The following ZFHX2 variants were observed in gnomAD, a reference collection of about 807,000 sequenced individuals.
The protein encoded by ZFHX2 is zinc finger homeobox protein 2.
Under a neutral mutation model 164.8 loss-of-function variants are expected in ZFHX2, and 75 were observed. The observed-to-expected ratio is 0.46, with a 90% CI of 0.38 to 0.55. The LOEUF (loss-of-function observed/expected upper bound fraction) is 0.55. Among genes scored for constraint, ZFHX2 ranks in the 20% least tolerant of loss-of-function variants. ZFHX2 has a pLI of 0.00. For missense variants in ZFHX2, 2,933 were observed against 3,308.0 expected (o/e 0.89, Z 2.78); for synonymous variants, 1,217 against 1,351.4 (o/e 0.90, Z 2.18).
In ZFHX2 at chr14:23,532,710, A is replaced by G; in HGVS notation, c.2416T>C (p.Ser806Pro). ...CCATAAGGAGCCCCATCTCCCAGGG[A>G]TGCTGGGGAAGGGGTGCCCATGGCT... ...GGAMGTPSPA[S>P]LGDGAPYGSV... The change falls in exon 3 of 10, where the codon TCC (serine) becomes CCC (proline). Residue 806 changes from serine to proline, a missense_variant. Transcript: ENST00000419474. The G allele has an allele frequency of 6.5e-7, 1 of 1,534,224 alleles. No individual in the cohort carries two copies. Among genetic ancestry groups the G allele is most frequent in the African/African-American group, 1.4e-5 (1 of 73,152 alleles).
chr14:23,544,690 C>T (rs1353112034), intron 1 of ZFHX2, among the ~76,000 whole-genome samples: 1 of 152,198 alleles, frequency 6.6e-6, no homozygotes, highest in Non-Finnish European at 1.5e-5. Flanking sequence ...TGGCCCAGCC[C>T]TAATGAGTGT....
intron 1 of ZFHX2, among the ~76,000 whole-genome samples, chr14:23,541,853 A>G (rs1320397410): frequency 6.6e-6 from 1 of 152,244 alleles, no homozygotes; most frequent in African/African-American, 2.4e-5. Context: ...TTCTATATTT[A>G]AAAAGAAAAC....
chr14:23,554,588 A>G (rs1455084776), upstream of ZFHX2, among the ~76,000 whole-genome samples: 1 of 143,130 alleles, frequency 7.0e-6, no homozygotes, highest in Non-Finnish European at 1.5e-5. Flanking sequence ...GGGTCTTCCT[A>G]TGTTGCCCAG....
At position 23,524,437 on chromosome 14, in the gene ZFHX2, C is replaced by G. The variant is rs1380292672; in HGVS notation, c.5505G>C (p.Glu1835Asp). The change falls in exon 9 of 10, where the codon GAG becomes GAC. Residue 1835 changes from glutamate to aspartate, a missense_variant. Transcript: ENST00000419474. This position sits in a 1 kb window ranked among gnomAD's most constrained non-coding sequence, Gnocchi z 5.6. Reference sequence around the variant, plus strand: ...TGCCTGTGGGAGACAAGCTGCCGTCCTCATGCTTCCGTTTGAGAGGTGGAC... The same window carrying G: ...TGCCTGTGGGAGACAAGCTGCCGTCGTCATGCTTCCGTTTGAGAGGTGGAC... ...MPGPPLKRKHEDGSLSPTGSE... is the reference protein window; with the variant it reads ...MPGPPLKRKHDDGSLSPTGSE... 2.0e-6 allele frequency: 3 copies of G among 1,535,946 alleles called. No individual in the cohort carries two copies. The East Asian group carries it at 7.3e-5, about 38-fold the overall frequency.
chr14:23,525,688 C>T lies in ZFHX2; in HGVS notation c.4254G>A (p.Glu1418=). 6.5e-7 allele frequency: 1 copy of T among 1,530,146 alleles called. No homozygotes were observed. The highest frequency in any genetic ancestry group is 8.7e-7 in the Non-Finnish European group (1 of 1,143,222). 94.8% of individuals were successfully genotyped at this position (1,530,146 alleles called of 1,614,324 possible). ...REWERPPMAK[E]GNEAGPSSPP... ...GTGAGGAAGGCCCTGCCTCATTACC[C>T]TCTTTGGCCATGGGGGGCCGCTCCC... Residue 1418 remains glutamate (E), a synonymous_variant, in exon 9 of 10, where the codon GAG becomes GAA. Coordinates refer to ENST00000419474, the MANE Select transcript of ZFHX2 (RefSeq NM_033400.3). The surrounding 1 kb of genome is among the most constrained non-coding windows in gnomAD (Gnocchi z 5.9).
intron 6 of ZFHX2, 145 bp downstream of exon 6, chr14:23,529,565 T>G (rs1879259860): frequency 2.4e-6 from 2 of 830,948 alleles, no homozygotes; most frequent in Non-Finnish European, 3.8e-6. Context: ...CATGTGGAAC[T>G]GGATCTGGGT....
Position 23,546,578 on chromosome 14 carries a change from G to A in ZFHX2, c.-50+4765C>T, listed in dbSNP as rs1271536002. On this transcript the variant is annotated intron_variant, in intron 1 of 9. Coordinates refer to ENST00000419474, the MANE Select transcript of ZFHX2 (RefSeq NM_033400.3). This position sits in a 1 kb window ranked among gnomAD's most constrained non-coding sequence, Gnocchi z 4.7. Reference sequence around the variant, plus strand: ...ATGGGATTACCCTACGGGGCTGGAAGTTACTTCTAAATCTTTCACCCCTGC... The same window carrying A: ...ATGGGATTACCCTACGGGGCTGGAAATTACTTCTAAATCTTTCACCCCTGC... Among the ~76,000 whole-genome samples, 1 of 152,066 alleles carries A rather than the reference G, an allele frequency of 6.6e-6. No individual in the cohort carries two copies. The highest frequency in any genetic ancestry group is 2.1e-4 in the South Asian group (1 of 4,820).
At chr14:23,538,646 G>A (rs544468989) in intron 1 of ZFHX2, among the ~76,000 whole-genome samples, 3 of 152,144 alleles carry the variant, frequency 2.0e-5, no homozygotes, top group Admixed American at 6.5e-5. Flanking sequence ...CTATCCCTGC[G>A]GACACATCTC....
In ZFHX2 at chr14:23,551,026, C is replaced by T. The variant is rs1024275208; in HGVS notation, c.-50+317G>A. Among the ~76,000 whole-genome samples, 3 of 151,994 alleles carry T rather than the reference C, an allele frequency of 2.0e-5. No individual in the cohort carries two copies. Among genetic ancestry groups the T allele is most frequent in the African/African-American group, 4.8e-5 (2 of 41,380 alleles). On this transcript the variant is annotated intron_variant, in intron 1 of 9. Transcript: ENST00000419474. The surrounding 1 kb of genome is among the most constrained non-coding windows in gnomAD (Gnocchi z 5.3). ...CGCGGTCCGTCTAGGCTTTCCATACCCTTCGTCTGTCCGGCGGGCCTCTGC... is the reference window on the plus strand; with the variant it reads ...CGCGGTCCGTCTAGGCTTTCCATACTCTTCGTCTGTCCGGCGGGCCTCTGC...
intron 3 of ZFHX2, 171 bp downstream of exon 3, chr14:23,532,396 C>G (rs1051653872): frequency 1.2e-5 from 9 of 777,058 alleles, no homozygotes; most frequent in Non-Finnish European, 1.7e-5. Flanking sequence ...TGGTCTCTTT[C>G]TCCATGTCTG....
At position 23,534,084 on chromosome 14, in the gene ZFHX2, G is replaced by T. The variant is rs1156362378; in HGVS notation, c.1242C>A (p.Asp414Glu). The change falls in exon 2 of 10, where the codon GAC (aspartate) becomes GAA (glutamate). Residue 414 changes from aspartate (D) to glutamate (E), a missense_variant. Asp to Glu is a conservative substitution (Grantham distance 45, BLOSUM62 2). Transcript: ENST00000419474. The surrounding 1 kb of genome is among the most constrained non-coding windows in gnomAD (Gnocchi z 4.5). Reference sequence around the variant, plus strand: ...CAGCTAGGCGATAGGGCTGGGGTGGGTCACTGGGGTCTTCGGGGGAGCCCA... The same window carrying T: ...CAGCTAGGCGATAGGGCTGGGGTGGTTCACTGGGGTCTTCGGGGGAGCCCA... Reference protein sequence around the residue: ...APVGSPEDPSDPPQPYRLADD... With the variant: ...APVGSPEDPSEPPQPYRLADD... The T allele has an allele frequency of 6.6e-7, 1 of 1,508,862 alleles. No individual in the cohort carries two copies. Among genetic ancestry groups the T allele is most frequent in the African/African-American group, 1.4e-5 (1 of 72,572 alleles). 93.5% of individuals were successfully genotyped at this position (1,508,862 alleles called of 1,614,324 possible). A position where few individuals can be genotyped will look rare whatever the true frequency, so the allele number is the denominator to read the frequency against.
chr14:23,533,054 A>T lies in ZFHX2; in HGVS notation c.2072T>A (p.Leu691Gln), dbSNP rs1162512991. The change falls in exon 3 of 10, where the codon CTG becomes CAG. Residue 691 changes from leucine (L) to glutamine (Q), a missense_variant. Physicochemically the swap from Leu to Gln is moderately radical, Grantham distance 113. Coordinates refer to ENST00000419474, the MANE Select transcript of ZFHX2 (RefSeq NM_033400.3). The surrounding 1 kb of genome is among the most constrained non-coding windows in gnomAD (Gnocchi z 4.8). ...APGSLSPDAH[L>Q]PPSQLLGSSS... ...GGAACCCAGGAGCTGACTTGGAGGC[A>T]GGTGGGCATCAGGGGATAGGCTTCC... 5.9e-6 allele frequency: 9 copies of T among 1,533,652 alleles called. No homozygotes were observed. Among genetic ancestry groups the T allele is most frequent in the Non-Finnish European group, 2.6e-6 (3 of 1,145,282 alleles).
chr14:23,521,888 C>G lies in ZFHX2; in HGVS notation c.*74G>C. ...CAGGGGGTGGGGTGAGGGATTTGAGCTCCCACCGAACACCCCTTGGGGTAA... is the reference window on the plus strand; with the variant it reads ...CAGGGGGTGGGGTGAGGGATTTGAGGTCCCACCGAACACCCCTTGGGGTAA... On this transcript the variant is annotated 3_prime_UTR_variant, in exon 10 of 10. Transcript: ENST00000419474. 1 of 1,516,366 alleles carries G rather than the reference C, an allele frequency of 6.6e-7. No individual in the cohort carries two copies. Among genetic ancestry groups the G allele is most frequent in the Non-Finnish European group, 8.8e-7 (1 of 1,137,952 alleles). The allele number at this position is 1,516,366 out of a possible 1,614,324, so 93.9% of individuals were successfully genotyped here.
intron 1 of ZFHX2, among the ~76,000 whole-genome samples, chr14:23,539,879 A>G (rs1265357265): frequency 2.0e-5 from 3 of 152,168 alleles, no homozygotes; most frequent in African/African-American, 7.2e-5. Flanking sequence ...CAAAAAACAA[A>G]ACTCCTTTTT....
At position 23,535,960 on chromosome 14, in the gene ZFHX2, A is replaced by ATTTATCCAGTGGCTT. The variant is rs1331531347; in HGVS notation, c.-49-601_-49-587dup. Among the ~76,000 whole-genome samples the ATTTATCCAGTGGCTT allele has an allele frequency of 6.6e-6, 1 of 152,196 alleles. No individual in the cohort carries two copies. Among genetic ancestry groups the ATTTATCCAGTGGCTT allele is most frequent in the Non-Finnish European group, 1.5e-5 (1 of 68,042 alleles). ...TCCTATCTCCAAAGTTGGTACCAAC[A>ATTTATCCAGTGGCTT]TTTATCCAGTGGCTTAGACTAAAAA... On this transcript the variant is annotated intron_variant, in intron 1 of 9. Transcript: ENST00000419474. The surrounding 1 kb of genome is among the most constrained non-coding windows in gnomAD (Gnocchi z 4.5).
chr14:23,523,902 G>A lies in ZFHX2; in HGVS notation c.6040C>T (p.Pro2014Ser). The A allele has an allele frequency of 6.5e-7, 1 of 1,536,196 alleles. No homozygotes were observed. The highest frequency in any genetic ancestry group is 2.0e-5 in the Admixed American group (1 of 50,998). Residue 2014 changes from proline to serine, a missense_variant, in exon 9 of 10, where the codon CCT becomes TCT. Physicochemically the swap from Pro to Ser is moderately conservative, Grantham distance 74 (BLOSUM62 -1). Coordinates refer to ENST00000419474, the MANE Select transcript of ZFHX2 (RefSeq NM_033400.3). This position sits in a 1 kb window ranked among gnomAD's most constrained non-coding sequence, Gnocchi z 4.1. ...GCCTCACTCTCTGGAGAAGCTTTAG[G>A]TGGTTCCTCTGGGCCCTCTTCCTCA... Reference protein sequence around the residue: ...PSEEEGPEEPPKASPESEACS... With the variant: ...PSEEEGPEEPSKASPESEACS...
Position 23,534,292 on chromosome 14 carries a change from G to A in ZFHX2, c.1034C>T (p.Pro345Leu). Residue 345 changes from proline to leucine, a missense_variant, in exon 2 of 10, where the codon CCA becomes CTA. Pro to Leu is a moderately conservative substitution (Grantham distance 98, BLOSUM62 -3). Transcript: ENST00000419474. This position sits in a 1 kb window ranked among gnomAD's most constrained non-coding sequence, Gnocchi z 4.5. ...LLDEEVMALS[P>L]PSPPTATWDP... ...CCAGGTGGCTGTGGGTGGAGAGGGT[G>A]GGCTGAGGGCCATAACTTCTTCATC... 1 of 1,533,780 alleles carries A rather than the reference G, an allele frequency of 6.5e-7. No homozygotes were observed.
chr14:23,528,561 G>A (rs1879086268), intron 6 of ZFHX2: 1 of 973,296 alleles, frequency 1.0e-6, no homozygotes, highest in Admixed American at 6.2e-5. Context: ...GGCATTTTCT[G>A]GACCCAGAGG....
upstream of ZFHX2, among the ~76,000 whole-genome samples, chr14:23,555,027 G>A (rs1263253717): frequency 6.6e-6 from 1 of 152,038 alleles, no homozygotes; most frequent in Non-Finnish European, 1.5e-5. Context: ...TCGTTCTGTC[G>A]CCCAGGCTGG....
Sources: allele counts gnomAD v4.1 joint callset (sites outside exome capture counted in the v4.1 genomes callset), GRCh38; gene constraint gnomAD v4.1.1; non-coding constraint Gnocchi (gnomAD v3.1); transcripts MANE v1.5; gene names NCBI Gene and HGNC (gene_info 2026-07-23, HGNC 2026-07-21).